The following ZNF704 variants were observed in gnomAD, a reference collection of about 807,000 sequenced individuals.
ZNF704 encodes zinc finger protein 704, also known as glucocorticoid induced gene 1.
A neutral mutation model predicts 44.7 loss-of-function variants in ZNF704; 10 were observed. The observed-to-expected ratio is 0.22, with a 90% CI of 0.14 to 0.38. ZNF704 has a LOEUF of 0.38. Ranked by LOEUF, ZNF704 falls within the 10% of genes least tolerant of loss-of-function variation. ZNF704 has a pLI of 1.00. For missense variants in ZNF704, 390 were observed against 545.5 expected, an observed-to-expected ratio of 0.71 and a Z score of 2.84; for synonymous variants, 211 against 207.6, an observed-to-expected ratio of 1.02 and a Z score of -0.14.
At chr8:80,650,262 C>T (rs1817895312) in intron 7 of ZNF704, among the ~76,000 whole-genome samples, 1 of 152,230 alleles carries the variant, frequency 6.6e-6, no homozygotes, top group African/African-American at 2.4e-5. Flanking sequence ...GCCTCTCCTC[C>T]TCCAAAGGAA....
intron 7 of ZNF704, among the ~76,000 whole-genome samples, chr8:80,652,172 G>T (rs1817932605): frequency 6.6e-6 from 1 of 152,158 alleles, no homozygotes; most frequent in South Asian, 2.1e-4. Flanking sequence ...AAAGCAGTGT[G>T]TAGAGGGAAA....
At chr8:80,732,647 T>C (rs1363540339) in intron 2 of ZNF704, among the ~76,000 whole-genome samples, 1 of 152,300 alleles carries the variant, frequency 6.6e-6, no homozygotes, top group African/African-American at 2.4e-5. Flanking sequence ...GGCAACCTCA[T>C]GAGAGATCTT....
At position 80,808,274 on chromosome 8, in the gene ZNF704, G is replaced by A. The variant is rs1471666359; in HGVS notation, c.221+13100C>T. On this transcript the variant is annotated intron_variant, in intron 2 of 8. Transcript: ENST00000327835. ...CCCAAATTATCTGCAACTGAAGGTA[G>A]AAAGATTGTTTTTTTCAGTTGTAGA... Among the ~76,000 whole-genome samples the A allele has an allele frequency of 4.6e-5, 7 of 152,190 alleles. No individual in the cohort carries two copies. The East Asian group carries it at 1.3e-3, about 29-fold the overall frequency.
At chr8:80,840,165 A>T (rs1289188768) in intron 1 of ZNF704, among the ~76,000 whole-genome samples, 1 of 152,218 alleles carries the variant, frequency 6.6e-6, no homozygotes, top group Non-Finnish European at 1.5e-5. Flanking sequence ...TAAAATCAGG[A>T]GACAGAAGAG....
intron 2 of ZNF704, among the ~76,000 whole-genome samples, chr8:80,757,968 A>C (rs907395868): frequency 2.6e-5 from 4 of 152,198 alleles, no homozygotes; most frequent in African/African-American, 9.7e-5. Context: ...CCCATAGTTA[A>C]GTGACACATG....
At chr8:80,830,756 T>TCTTTC (rs202085612) in intron 1 of ZNF704, among the ~76,000 whole-genome samples, 2 of 137,926 alleles carry the variant, frequency 1.5e-5, no homozygotes, top group Admixed American at 7.1e-5. Flanking sequence ...TTTCTTTCTT[T>TCTTTC]TTTTTTTTTT....
chr8:80,821,573 C>T lies in ZNF704; in HGVS notation c.22G>A (p.Glu8Lys). 1 of 1,613,682 alleles carries T rather than the reference C, an allele frequency of 6.2e-7. No individual in the cohort carries two copies. The highest frequency in any genetic ancestry group is 1.7e-4 in the Middle Eastern group (1 of 6,060). Reference sequence around the variant, plus strand: ...TTACCACAGTCACGTTTTAAGTCCTCTGACTGAAATGTGAAGGTCATTTCC... The same window carrying T: ...TTACCACAGTCACGTTTTAAGTCCTTTGACTGAAATGTGAAGGTCATTTCC... MTFTFQSEDLKRDCGKKM... is the reference protein window; with the variant it reads MTFTFQSKDLKRDCGKKM... The change falls in exon 2 of 9, where the codon GAG becomes AAG. Residue 8 changes from glutamate (E) to lysine (K), a missense_variant. Physicochemically the swap from Glu to Lys is moderately conservative, Grantham distance 56. This residue lies in a region of ZNF704 where 80 missense variants were observed against 83.7 expected (regional missense o/e 0.96). Coordinates refer to ENST00000327835, the MANE Select transcript of ZNF704 (RefSeq NM_001033723.3).
chr8:80,730,174 T>G (rs1163709649), intron 2 of ZNF704, among the ~76,000 whole-genome samples: 1 of 152,210 alleles, frequency 6.6e-6, no homozygotes, highest in Non-Finnish European at 1.5e-5. Flanking sequence ...TCATTTTTTC[T>G]TTTACAGTTA....
At chr8:80,682,549 A>T (rs530535604) in intron 4 of ZNF704, among the ~76,000 whole-genome samples, 1 of 152,304 alleles carries the variant, frequency 6.6e-6, no homozygotes, top group South Asian at 2.1e-4. Context: ...AGTGCATTGC[A>T]GGGGGGCTAA....
Position 80,641,329 on chromosome 8 carries a change from C to CGGG in ZNF704, c.*36_*37insCCC. 7.5e-7 allele frequency: 1 copy of CGGG among 1,337,966 alleles called. No homozygotes were observed. 82.9% of individuals were successfully genotyped at this position (1,337,966 alleles called of 1,614,324 possible). A position where few individuals can be genotyped will look rare whatever the true frequency, so the allele number is the denominator to read the frequency against. On this transcript the variant is annotated 3_prime_UTR_variant, in exon 9 of 9. Coordinates refer to ENST00000327835, the MANE Select transcript of ZNF704 (RefSeq NM_001033723.3). ...CTGCAGTGGCAGGCCAGGGCAGGAG[C>CGGG]GGCTCAGGGCCCTGAGCCCCTCTGC...
chr8:80,698,855 C>G (rs79708718), intron 2 of ZNF704, among the ~76,000 whole-genome samples: 2 of 152,154 alleles, frequency 1.3e-5, no homozygotes, highest in South Asian at 2.1e-4. Flanking sequence ...TTGTTTGTGC[C>G]GCAAGAAGCC....
rs149178792 is a variant in ZNF704 at position 80,836,918 on chromosome 8, A to G, written c.-21-15303T>C. On this transcript the variant is annotated intron_variant, in intron 1 of 8. Coordinates refer to ENST00000327835, the MANE Select transcript of ZNF704 (RefSeq NM_001033723.3). ...TGCTTATTGTCCAAGCTGCTCCACCAGAATATTCGCTCCATGAAGATAACA... is the reference window on the plus strand; with the variant it reads ...TGCTTATTGTCCAAGCTGCTCCACCGGAATATTCGCTCCATGAAGATAACA... Among the ~76,000 whole-genome samples, 65 of 152,304 alleles carry G rather than the reference A, an allele frequency of 4.3e-4. No homozygotes were observed. In the East Asian group the frequency reaches 0.012, roughly 28 times the overall value.
intron 2 of ZNF704, among the ~76,000 whole-genome samples, chr8:80,784,549 C>G (rs1267492496): frequency 6.6e-6 from 1 of 152,198 alleles, no homozygotes; most frequent in Non-Finnish European, 1.5e-5. Flanking sequence ...TATTTGCCAT[C>G]TGCGTGTCTT....
intron 2 of ZNF704, among the ~76,000 whole-genome samples, chr8:80,703,164 C>A (rs1173506214): frequency 6.6e-6 from 1 of 152,126 alleles, no homozygotes. Context: ...CTCTGCGGGG[C>A]AACTCTTCCA....
At chr8:80,873,274 G>A (rs1297507525) in intron 1 of ZNF704, among the ~76,000 whole-genome samples, 1 of 152,064 alleles carries the variant, frequency 6.6e-6, no homozygotes, top group East Asian at 1.9e-4. Flanking sequence ...CCCTTTCCCG[G>A]CACCCACACC....
chr8:80,675,347 G>C (rs189901003), intron 4 of ZNF704, among the ~76,000 whole-genome samples: 2 of 152,358 alleles, frequency 1.3e-5, no homozygotes, highest in Admixed American at 6.5e-5. Flanking sequence ...TTGAGATAAA[G>C]TGCAGAAGCA....
At chr8:80,675,993 G>A (rs992574488) in intron 4 of ZNF704, among the ~76,000 whole-genome samples, 1 of 152,168 alleles carries the variant, frequency 6.6e-6, no homozygotes, top group Admixed American at 6.5e-5. Flanking sequence ...CAGTAAGAGA[G>A]AGAAGTGGTC....
intron 2 of ZNF704, among the ~76,000 whole-genome samples, chr8:80,730,298 G>T (rs1346805879): frequency 6.6e-6 from 1 of 152,040 alleles, no homozygotes; most frequent in South Asian, 2.1e-4. Flanking sequence ...AGCACTTTGG[G>T]AGGCCGAAGT....
chr8:80,640,011 A>T lies in ZNF704; in HGVS notation c.*1355T>A, dbSNP rs1169072632. On this transcript the variant is annotated 3_prime_UTR_variant, in exon 9 of 9. Transcript: ENST00000327835. ...CTCCCCACACCACTATCCCCCAAACAAACAAGCAAGTAAGTTACGAAGCCC... is the reference window on the plus strand; with the variant it reads ...CTCCCCACACCACTATCCCCCAAACTAACAAGCAAGTAAGTTACGAAGCCC... 6.6e-6 allele frequency: 1 copy of T among 152,598 alleles called. No individual in the cohort carries two copies. Among genetic ancestry groups the T allele is most frequent in the Admixed American group, 6.5e-5 (1 of 15,284 alleles). 9.5% of individuals were successfully genotyped at this position (152,598 alleles called of 1,614,324 possible).
Sources: allele counts gnomAD v4.1 joint callset (sites outside exome capture counted in the v4.1 genomes callset), GRCh38; gene constraint gnomAD v4.1.1; regional missense constraint gnomAD v4.1.1; transcripts MANE v1.5; gene names NCBI Gene and HGNC (gene_info 2026-07-23, HGNC 2026-07-21).